The following TM2D1 variants were observed in gnomAD, a reference collection of about 807,000 sequenced individuals.
TM2D1 encodes TM2 domain-containing protein 1.
In TM2D1, 15 loss-of-function variants were observed where a neutral mutation model predicts 28.4. The ratio of observed to expected loss-of-function variants is 0.53; its 90% confidence interval spans 0.35 to 0.81. The LOEUF is 0.81. Among genes scored for constraint, TM2D1 ranks in the 40% least tolerant of loss-of-function variants. The pLI, the probability that TM2D1 is intolerant of heterozygous loss-of-function variation, is 0.01. For missense variants in TM2D1, 236 were observed against 254.9 expected (o/e 0.93, Z 0.50); for synonymous variants, 93 against 96.2 (o/e 0.97, Z 0.20).
chr1:61,717,836 A>G (rs982492349), intron 2 of TM2D1, among the ~76,000 whole-genome samples: 13 of 152,126 alleles, frequency 8.5e-5, no homozygotes, highest in African/African-American at 3.1e-4. Flanking sequence ...AAAAAGGACT[A>G]AATTTAGCCT....
intron 5 of TM2D1, among the ~76,000 whole-genome samples, chr1:61,687,610 A>C (rs1644293102): frequency 6.6e-6 from 1 of 152,188 alleles, no homozygotes; most frequent in Admixed American, 6.5e-5. Flanking sequence ...GGCAATTGAT[A>C]TGACCCCTCA....
At chr1:61,687,139 G>C (rs760030058) in intron 5 of TM2D1, among the ~76,000 whole-genome samples, 28 of 152,142 alleles carry the variant, frequency 1.8e-4, no homozygotes, top group Non-Finnish European at 4.0e-4. Flanking sequence ...CCAGGAGTTT[G>C]AGACCAGCCT....
At chr1:61,707,901 T>C (rs1644452273) in intron 3 of TM2D1, among the ~76,000 whole-genome samples, 1 of 152,070 alleles carries the variant, frequency 6.6e-6, no homozygotes, top group African/African-American at 2.4e-5. Context: ...CTAAGTGCCA[T>C]CAAATAGAAT....
intron 2 of TM2D1, 31 bp from the exon 3 acceptor site, chr1:61,709,468 T>C: frequency 7.2e-7 from 1 of 1,383,804 alleles, no homozygotes; most frequent in South Asian, 1.2e-5. Context: ...GAAACTGTTA[T>C]TTTTTTTTTC....
At chr1:61,684,123 A>G (rs762783807) in intron 5 of TM2D1, among the ~76,000 whole-genome samples, 5 of 152,202 alleles carry the variant, frequency 3.3e-5, no homozygotes, top group Non-Finnish European at 5.9e-5. Flanking sequence ...GAAGAGGTAG[A>G]AAAAAACAAC....
chr1:61,686,787 C>T (rs1282300536), intron 5 of TM2D1: 2 of 969,404 alleles, frequency 2.1e-6, no homozygotes, highest in Non-Finnish European at 2.5e-6. Flanking sequence ...TATAAAATTA[C>T]AAACCTTTTA....
chr1:61,688,346 C>T (rs1302203729), intron 5 of TM2D1, among the ~76,000 whole-genome samples: 2 of 152,148 alleles, frequency 1.3e-5, no homozygotes, highest in African/African-American at 4.8e-5. Context: ...TCAGTCACTT[C>T]GGTTTTCCAA....
intron 2 of TM2D1, among the ~76,000 whole-genome samples, chr1:61,716,270 G>A (rs1207969302): frequency 1.3e-5 from 2 of 150,504 alleles, no homozygotes; most frequent in African/African-American, 2.4e-5. Flanking sequence ...AGTAAGCTAC[G>A]ATCCTGCCAT....
chr1:61,710,234 G>A (rs948518255), intron 2 of TM2D1, among the ~76,000 whole-genome samples: 2 of 151,588 alleles, frequency 1.3e-5, no homozygotes, highest in Non-Finnish European at 2.9e-5. Flanking sequence ...AGACCAGCAT[G>A]GGCAACATGG....
intron 2 of TM2D1, among the ~76,000 whole-genome samples, chr1:61,721,913 G>A (rs2047276): frequency 0.35 from 49,167 of 139,608 alleles, 9,884 homozygotes; most frequent in Middle Eastern, 0.49. Flanking sequence ...AGTTCAAGAC[G>A]AGGCTGGACA....
At chr1:61,685,379 G>T (rs1644278027) in intron 5 of TM2D1, among the ~76,000 whole-genome samples, 1 of 152,182 alleles carries the variant, frequency 6.6e-6, no homozygotes, top group East Asian at 1.9e-4. Flanking sequence ...ACTTATGATA[G>T]AAAACTTAAA....
chr1:61,684,770 T>G (rs964842284), intron 5 of TM2D1, among the ~76,000 whole-genome samples: 4 of 152,148 alleles, frequency 2.6e-5, no homozygotes, highest in African/African-American at 9.7e-5. Context: ...GTTTTCTCTC[T>G]TTCATTTGTT....
chr1:61,717,650 T>G (rs541512135), intron 2 of TM2D1, among the ~76,000 whole-genome samples: 65 of 152,130 alleles, frequency 4.3e-4, no homozygotes, highest in Admixed American at 1.8e-3. Context: ...CACAGCTCAC[T>G]GTAGCCTCGA....
intron 3 of TM2D1, among the ~76,000 whole-genome samples, chr1:61,701,417 G>C (rs948091786): frequency 1.5e-4 from 23 of 148,870 alleles, no homozygotes; most frequent in African/African-American, 5.4e-4. Context: ...GGTGATATTT[G>C]AGCAGAGACC....
chr1:61,700,067 A>G (rs1042120489), intron 4 of TM2D1: 34 of 1,398,846 alleles, frequency 2.4e-5, no homozygotes, highest in East Asian at 2.8e-5. Flanking sequence ...GAAGCAGAGT[A>G]CTACAGTAAA....
intron 2 of TM2D1, among the ~76,000 whole-genome samples, chr1:61,717,285 G>A (rs1046691729): frequency 9.9e-5 from 15 of 151,728 alleles, no homozygotes; most frequent in African/African-American, 2.4e-4. Flanking sequence ...GGATAATGGC[G>A]TGAACCTGGG....
chr1:61,684,680 T>A (rs911363257), intron 5 of TM2D1, among the ~76,000 whole-genome samples: 6 of 17,788 alleles, frequency 3.4e-4, no homozygotes, highest in African/African-American at 2.9e-4. Flanking sequence ...GTATCATTAT[T>A]ATAACAAGTT....
At chr1:61,715,871 G>A (rs1644514238) in intron 2 of TM2D1, among the ~76,000 whole-genome samples, 2 of 150,160 alleles carry the variant, frequency 1.3e-5, no homozygotes, top group African/African-American at 4.9e-5. Context: ...GCGCGATCTC[G>A]GCTCACTGCA....
chr1:61,683,508 A>T lies in TM2D1; in HGVS notation c.552T>A (p.Asp184Glu), dbSNP rs992162333. Residue 184 changes from aspartate to glutamate, a missense_variant, in exon 6 of 7, where the codon GAT (aspartate) becomes GAA (glutamate). This residue lies in a region of TM2D1 where 64 missense variants were observed against 73.1 expected (regional missense o/e 0.88). Transcript: ENST00000606498. Reference protein sequence around the residue: ...GPSDGSSYIIDYYGTRLTRLS... With the variant: ...GPSDGSSYIIEYYGTRLTRLS... ...GTCTTGTAAGTCTGGTTCCATAGTA[A>T]TCTATAATGTAACTACTTCCATCTG... 18 of 1,544,984 alleles carry T rather than the reference A, an allele frequency of 1.2e-5. No individual in the cohort carries two copies. Among genetic ancestry groups the T allele is most frequent in the Non-Finnish European group, 1.6e-5 (18 of 1,148,364 alleles).
Sources: allele counts gnomAD v4.1 joint callset (sites outside exome capture counted in the v4.1 genomes callset), GRCh38; gene constraint gnomAD v4.1.1; regional missense constraint gnomAD v4.1.1; transcripts MANE v1.5; gene names NCBI Gene and HGNC (gene_info 2026-07-23, HGNC 2026-07-21).